VPS4B: variants seen among roughly 807,000 people sequenced by gnomAD.
VPS4B encodes the protein vacuolar protein sorting-associated protein 4B.
In VPS4B, 23 loss-of-function variants were observed where a neutral mutation model predicts 56.1. The observed-to-expected ratio is 0.41, with a 90% confidence interval of 0.30 to 0.58. The LOEUF is 0.58. Among genes scored for constraint, VPS4B ranks in the 20% least tolerant of loss-of-function variants. The pLI, the probability that VPS4B is intolerant of heterozygous loss-of-function variation, is 0.29. For missense variants in VPS4B, 372 were observed against 531.9 expected, an observed-to-expected ratio of 0.70 and a Z score of 2.96; for synonymous variants, 177 against 186.0, an observed-to-expected ratio of 0.95 and a Z score of 0.39.
At chr18:63,398,184 CATAT>C (rs1272695479) in intron 8 of VPS4B, among the ~76,000 whole-genome samples, 1 of 137,286 alleles carries the variant, frequency 7.3e-6, no homozygotes, top group African/African-American at 2.9e-5. Flanking sequence ...TACACATATA[CATAT>C]ATACACACAC....
chr18:63,422,209 G>A (rs143858287), intron 1 of VPS4B, 24 bp downstream of exon 1: 3 of 1,499,470 alleles, frequency 2.0e-6, no homozygotes, highest in Non-Finnish European at 1.8e-6. Flanking sequence ...GCTCCCTAGG[G>A]GGACGGGAGA....
intron 1 of VPS4B, among the ~76,000 whole-genome samples, chr18:63,419,331 C>T (rs911092638): frequency 6.6e-6 from 1 of 151,958 alleles, no homozygotes; most frequent in Non-Finnish European, 1.5e-5. Flanking sequence ...GCAGGGGAAT[C>T]GCTTGAACCT....
At position 63,411,552 on chromosome 18, in the gene VPS4B, T is replaced by C. The variant is rs1040912577; in HGVS notation, c.54A>G (p.Ala18=). ...LQKAIDLASK[A]AQEDKAGNYE... ...AGTTCCCAGCCTTGTCTTCTTGCGC[T>C]GCTTTGCTAGCCAGATCTATCGCTT... is the stretch of plus-strand genomic sequence containing the variant. The change falls in exon 2 of 11, where the codon GCA becomes GCG. Residue 18 remains alanine (A), a synonymous_variant. Transcript: ENST00000238497. 1.9e-6 allele frequency: 3 copies of C among 1,601,052 alleles called. No homozygotes were observed. The highest frequency in any genetic ancestry group is 2.7e-5 in the African/African-American group (2 of 74,798).
At chr18:63,400,780 A>G in intron 5 of VPS4B, 77 bp from the exon 6 acceptor site, 1 of 1,387,760 alleles carries the variant, frequency 7.2e-7, no homozygotes, top group Middle Eastern at 1.8e-4. Flanking sequence ...AATACTCTGG[A>G]AAGATTTTCA....
intron 9 of VPS4B, among the ~76,000 whole-genome samples, chr18:63,395,092 G>T (rs1371660028): frequency 2.6e-5 from 4 of 152,132 alleles, no homozygotes; most frequent in Admixed American, 6.5e-5. Context: ...TGCTGCAGCT[G>T]GTGATCCCCA....
intron 1 of VPS4B, among the ~76,000 whole-genome samples, chr18:63,412,773 T>G (rs1261140449): frequency 1.3e-5 from 2 of 152,188 alleles, no homozygotes; most frequent in African/African-American, 4.8e-5. Flanking sequence ...GTGATCATCC[T>G]GCATCAGCCT....
At chr18:63,400,495 T>G in intron 6 of VPS4B, 52 bp downstream of exon 6, 2 of 1,534,660 alleles carry the variant, frequency 1.3e-6, no homozygotes, top group Non-Finnish European at 8.9e-7. Context: ...TAAGGAGTGA[T>G]ACAGTAATTA....
chr18:63,413,464 G>A (rs1916090980), intron 1 of VPS4B, among the ~76,000 whole-genome samples: 1 of 151,402 alleles, frequency 6.6e-6, no homozygotes, highest in African/African-American at 2.4e-5. Flanking sequence ...GCTTGAACCC[G>A]GGAGGCGGTG....
At chr18:63,420,185 C>T (rs1389856836) in intron 1 of VPS4B, among the ~76,000 whole-genome samples, 2 of 152,174 alleles carry the variant, frequency 1.3e-5, no homozygotes, top group African/African-American at 2.4e-5. Context: ...CGGTGGCTCA[C>T]ACCTGTAACC....
chr18:63,409,312 T>C (rs2144429639), intron 3 of VPS4B, among the ~76,000 whole-genome samples: 1 of 152,342 alleles, frequency 6.6e-6, no homozygotes, highest in South Asian at 2.1e-4. Context: ...AAATGGTCTG[T>C]GGTAGCAGCC....
At chr18:63,412,601 A>G (rs1229812732) in intron 1 of VPS4B, among the ~76,000 whole-genome samples, 2 of 152,214 alleles carry the variant, frequency 1.3e-5, no homozygotes, top group African/African-American at 2.4e-5. Context: ...GCATACACCT[A>G]AAAGAATTCT....
chr18:63,403,933 T>G, intron 4 of VPS4B, 107 bp from the exon 5 acceptor site: 1 of 1,275,520 alleles, frequency 7.8e-7, no homozygotes, highest in Non-Finnish European at 1.1e-6. Flanking sequence ...ATTGGGAAAG[T>G]TTTATGTACT....
chr18:63,418,032 G>A (rs1419767556), intron 1 of VPS4B, among the ~76,000 whole-genome samples: 3 of 152,128 alleles, frequency 2.0e-5, no homozygotes, highest in Non-Finnish European at 2.9e-5. Context: ...ACCTTCCTCT[G>A]CTGACATTTA....
At chr18:63,421,922 GTTCT>G (rs1356153055) in intron 1 of VPS4B, among the ~76,000 whole-genome samples, 1 of 152,176 alleles carries the variant, frequency 6.6e-6, no homozygotes, top group African/African-American at 2.4e-5. Flanking sequence ...CAAAAATTAC[GTTCT>G]TTCTTTCTCC....
intron 1 of VPS4B, among the ~76,000 whole-genome samples, chr18:63,416,908 C>T (rs1916179110): frequency 1.3e-5 from 2 of 152,164 alleles, no homozygotes. Context: ...CACCTCATTC[C>T]TTCTCTTTGC....
At chr18:63,417,208 C>T (rs989306373) in intron 1 of VPS4B, among the ~76,000 whole-genome samples, 5 of 152,170 alleles carry the variant, frequency 3.3e-5, no homozygotes, top group African/African-American at 9.7e-5. Flanking sequence ...TACAAACAGC[C>T]CTCCTTTAAA....
intron 9 of VPS4B, among the ~76,000 whole-genome samples, chr18:63,395,929 T>C (rs969950519): frequency 6.6e-6 from 1 of 152,200 alleles, no homozygotes; most frequent in Non-Finnish European, 1.5e-5. Flanking sequence ...CTAGCTACTG[T>C]GTTAGCACCT....
intron 1 of VPS4B, among the ~76,000 whole-genome samples, chr18:63,412,816 C>G (rs371136167): frequency 2.6e-5 from 4 of 152,136 alleles, no homozygotes; most frequent in South Asian, 2.1e-4. Flanking sequence ...TCCACACCAC[C>G]GCACCCAGCT....
intron 1 of VPS4B, chr18:63,415,832 G>T: frequency 5.2e-6 from 1 of 190,498 alleles, no homozygotes; most frequent in South Asian, 1.0e-4. Flanking sequence ...CCAGGGATAT[G>T]AACAAAGGTA....
Sources: gnomAD v4.1 joint callset for allele counts (sites outside exome capture counted in the v4.1 genomes callset) on GRCh38, gnomAD v4.1.1 for gene constraint, MANE v1.5 for transcripts, NCBI Gene and HGNC (gene_info 2026-07-23, HGNC 2026-07-21) for gene names.